Variants in ARHGDIB observed in about 807,000 individuals in gnomAD.
The protein encoded by ARHGDIB is rho GDP-dissociation inhibitor 2.
In ARHGDIB, 20 loss-of-function variants were observed where a neutral mutation model predicts 22.6. That is an observed-to-expected ratio of 0.88 (90% CI 0.62 to 1.28). The LOEUF is 1.28. Among genes scored for constraint, ARHGDIB ranks in the 50% most tolerant of loss-of-function variants. ARHGDIB has a pLI of 0.00. For missense variants in ARHGDIB, 254 were observed against 245.4 expected, an observed-to-expected ratio of 1.04 and a Z score of -0.23; for synonymous variants, 114 against 96.1, an observed-to-expected ratio of 1.19 and a Z score of -1.09.
chr12:14,945,712 A>G (rs1344259312), intron 4 of ARHGDIB, among the ~76,000 whole-genome samples: 1 of 152,230 alleles, frequency 6.6e-6, no homozygotes, highest in Non-Finnish European at 1.5e-5. Flanking sequence ...TTTGTGTTGG[A>G]CACAATAGTT....
chr12:14,943,412 T>A (rs1460928924), intron 5 of ARHGDIB, among the ~76,000 whole-genome samples: 1 of 149,888 alleles, frequency 6.7e-6, no homozygotes. Flanking sequence ...TTGTTTTTTT[T>A]ATGGAGATAT....
At chr12:14,953,821 C>CTT (rs1491044334) in intron 1 of ARHGDIB, among the ~76,000 whole-genome samples, 2,374 of 141,412 alleles carry the variant, frequency 0.017, 54 homozygotes, top group African/African-American at 0.06. Flanking sequence ...TTTGCTTGCT[C>CTT]TCTCTCTCTC....
At chr12:14,961,483 G>A (rs1864410173) in intron 1 of ARHGDIB, 54 bp downstream of exon 1, 1 of 152,196 alleles carries the variant, frequency 6.6e-6, no homozygotes, top group African/African-American at 2.4e-5. Context: ...AGAGGTTTCC[G>A]ACTTTGCTCT....
In ARHGDIB at chr12:14,950,670, C is replaced by A; in HGVS notation, c.43G>T (p.Asp15Tyr). 6.2e-7 allele frequency: 1 copy of A among 1,613,642 alleles called. No individual in the cohort carries two copies. Among genetic ancestry groups the A allele is most frequent in the Non-Finnish European group, 8.5e-7 (1 of 1,179,788 alleles). Residue 15 changes from aspartate to tyrosine, a missense_variant, in exon 2 of 6, where the codon GAT (aspartate) becomes TAT (tyrosine). Transcript: ENST00000228945. The part of the protein sequence containing the change: ...APEPHVEEDD[D>Y]DELDSKLNYK... ...TTGAGCTTGCTGTCCAGCTCATCAT[C>A]GTCATCCTCCTCCACATGTGGCTCT... is the stretch of plus-strand genomic sequence containing the variant.
Position 14,944,789 on chromosome 12 carries a change from C to A in ARHGDIB, c.393G>T (p.Arg131Ser), listed in dbSNP as rs776518496. ...GGGTTCCCTTACCTTTCACCCCAGT[C>A]CTGTAGGTGTGCTGAACGTATTTCA... ...SGLKYVQHTY[R>S]TGVKVDKATF... The change falls in exon 5 of 6, where the codon AGG becomes AGT. Residue 131 changes from arginine to serine, a missense_variant. Physicochemically the swap from Arg to Ser is moderately radical, Grantham distance 110. Coordinates refer to ENST00000228945, the MANE Select transcript of ARHGDIB (RefSeq NM_001175.7). The A allele has an allele frequency of 1.2e-6, 2 of 1,613,556 alleles. No homozygotes were observed. The highest frequency in any genetic ancestry group is 1.7e-4 in the Middle Eastern group (1 of 6,060).
At chr12:14,942,959 C>T (rs1045823139) in intron 5 of ARHGDIB, among the ~76,000 whole-genome samples, 42 of 152,194 alleles carry the variant, frequency 2.8e-4, no homozygotes, top group Admixed American at 2.7e-3. Context: ...ACCTCCACCT[C>T]CCAGGTTCCA....
At chr12:14,944,725 A>G in intron 5 of ARHGDIB, 51 bp downstream of exon 5, 1 of 1,556,582 alleles carries the variant, frequency 6.4e-7, no homozygotes, top group Non-Finnish European at 8.8e-7. Context: ...CAGAAGTTAA[A>G]GTATCAATGA....
chr12:14,946,115 T>C (rs1009220554), intron 4 of ARHGDIB, among the ~76,000 whole-genome samples: 3 of 152,126 alleles, frequency 2.0e-5, no homozygotes, highest in Non-Finnish European at 4.4e-5. Context: ...GTGGGTGAAA[T>C]AAAACTATGA....
chr12:14,949,805 T>TGACACATAC lies in ARHGDIB; in HGVS notation c.261_262insGTATGTGTC (p.Leu87_Thr88insValCysVal). 1.2e-6 allele frequency: 2 copies of TGACACATAC among 1,613,350 alleles called. No homozygotes were observed. The highest frequency in any genetic ancestry group is 1.7e-6 in the Non-Finnish European group (2 of 1,179,516). ...CAGTACAGATGTGTCTACATACCAG[T>TGACACATAC]AAGGTCCATGGTGATTGGTCCCGGG... On this transcript the variant is annotated inframe_insertion, in exon 3 of 6. Coordinates refer to ENST00000228945, the MANE Select transcript of ARHGDIB (RefSeq NM_001175.7).
chr12:14,960,932 A>G (rs1864398329), intron 1 of ARHGDIB, among the ~76,000 whole-genome samples: 1 of 152,154 alleles, frequency 6.6e-6, no homozygotes, highest in South Asian at 2.1e-4. Flanking sequence ...GTGCTATACC[A>G]TACTTCCTCT....
chr12:14,952,234 A>G (rs1156857839), intron 1 of ARHGDIB, among the ~76,000 whole-genome samples: 1 of 151,662 alleles, frequency 6.6e-6, no homozygotes, highest in Non-Finnish European at 1.5e-5. Context: ...AGGAAGAAAA[A>G]TAATTTGGAA....
Position 14,949,865 on chromosome 12 carries a change from C to T in ARHGDIB, c.202G>A (p.Val68Ile), listed in dbSNP as rs41276686. Residue 68 changes from valine (V) to isoleucine (I), a missense_variant, in exon 3 of 6, where the codon GTT (valine) becomes ATT (isoleucine). Coordinates refer to ENST00000228945, the MANE Select transcript of ARHGDIB (RefSeq NM_001175.7). Reference sequence around the variant, plus strand: ...CAAACCAGGGTGAGCCGGGTGACAACGACATTGGGGGCTTTCGGATCTGCA... The same window carrying T: ...CAAACCAGGGTGAGCCGGGTGACAATGACATTGGGGGCTTTCGGATCTGCA... ...VVTDPKAPNV[V>I]VTRLTLVCES... is the part of the protein sequence containing the mutation. The T allele has an allele frequency of 5.4e-5, 87 of 1,613,372 alleles. No homozygotes were observed. The highest frequency in any genetic ancestry group is 1.5e-4 in the Admixed American group (9 of 59,960).
Position 14,944,858 on chromosome 12 carries a change from C to G in ARHGDIB, c.343-19G>C. ...TGTTCACCTGCAGGTGGGAAGGAAC[C>G]AAGATGTTCAGATTAAGAGGGTCTT... On this transcript the variant is annotated intron_variant, in intron 4 of 5. Coordinates refer to ENST00000228945, the MANE Select transcript of ARHGDIB (RefSeq NM_001175.7). 1.9e-6 allele frequency: 3 copies of G among 1,609,832 alleles called. No individual in the cohort carries two copies. The highest frequency in any genetic ancestry group is 2.2e-5 in the East Asian group (1 of 44,788).
In ARHGDIB at chr12:14,943,102, A is replaced by G. The variant is rs1863913176; in HGVS notation, c.407-381T>C. On this transcript the variant is annotated intron_variant, in intron 5 of 5. Transcript: ENST00000228945. ...AGGCTGGTCTCGAACTACCAACCTC[A>G]GGTGATCCACCCGCCTCGGCCTCCC... Among the ~76,000 whole-genome samples, 3 of 152,192 alleles carry G rather than the reference A, an allele frequency of 2.0e-5. No individual in the cohort carries two copies. In the South Asian group the frequency reaches 6.2e-4, roughly 32 times the overall value.
intron 1 of ARHGDIB, among the ~76,000 whole-genome samples, chr12:14,951,392 C>T (rs1864172972): frequency 6.6e-6 from 1 of 152,224 alleles, no homozygotes; most frequent in African/African-American, 2.4e-5. Flanking sequence ...CCCTAAAACA[C>T]TTGCATAGTT....
chr12:14,949,688 G>C, intron 3 of ARHGDIB, 114 bp downstream of exon 3: 2 of 911,412 alleles, frequency 2.2e-6, no homozygotes, highest in Admixed American at 3.7e-5. Flanking sequence ...ACTGGTCCTA[G>C]CATATATATC....
intron 1 of ARHGDIB, among the ~76,000 whole-genome samples, chr12:14,954,946 A>G (rs934865619): frequency 2.6e-5 from 4 of 152,256 alleles, no homozygotes; most frequent in African/African-American, 4.8e-5. Flanking sequence ...TACCTTAAAT[A>G]TATGCAATAA....
chr12:14,945,976 C>T (rs577827160), intron 4 of ARHGDIB, among the ~76,000 whole-genome samples: 6 of 152,312 alleles, frequency 3.9e-5, no homozygotes, highest in African/African-American at 1.4e-4. Context: ...AAGCTTATCC[C>T]TTTCACCTAG....
At position 14,950,345 on chromosome 12, in the gene ARHGDIB, C is replaced by T. The variant is rs554016692; in HGVS notation, c.181+187G>A. 2.0e-5 allele frequency among the ~76,000 whole-genome samples: 3 copies of T among 152,324 alleles called. No individual in the cohort carries two copies. The East Asian group carries it at 5.8e-4, about 29-fold the overall frequency. ...GTGTGCCTATCTCACTGCTGACTTGCATCTTATCTCTTAAGAAGACTTAAT... is the reference window on the plus strand; with the variant it reads ...GTGTGCCTATCTCACTGCTGACTTGTATCTTATCTCTTAAGAAGACTTAAT... On this transcript the variant is annotated intron_variant, in intron 2 of 5. Transcript: ENST00000228945.
Sources: allele counts gnomAD v4.1 joint callset (sites outside exome capture counted in the v4.1 genomes callset), GRCh38; gene constraint gnomAD v4.1.1; transcripts MANE v1.5; gene names NCBI Gene and HGNC (gene_info 2026-07-23, HGNC 2026-07-21).